Variants in EPHB1 observed in about 807,000 individuals in gnomAD.
EPHB1 encodes ephrin type-B receptor 1.
EPHB1 carries 30 observed loss-of-function variants against 94.4 expected under a neutral mutation model. That is an observed-to-expected ratio of 0.32 (90% CI 0.24 to 0.43). The LOEUF is 0.43. EPHB1 is among the 20% of genes least tolerant of loss of function. The probability of loss-of-function intolerance (pLI) is 1.00; values close to 1 mark genes in which losing one functional copy is unlikely to be tolerated. For missense variants in EPHB1, 1,055 were observed against 1,308.3 expected, an observed-to-expected ratio of 0.81 and a Z score of 2.99; for synonymous variants, 522 against 489.1, an observed-to-expected ratio of 1.07 and a Z score of -0.89.
chr3:135,025,181 TC>T (rs1452187884), intron 3 of EPHB1, among the ~76,000 whole-genome samples: 2 of 134,130 alleles, frequency 1.5e-5, no homozygotes, highest in Non-Finnish European at 3.3e-5. Context: ...TTTTTTTTTT[TC>T]AAGAAGGTTA....
In EPHB1 at chr3:135,180,468, AACCTATC is replaced by A. The variant is rs139940482; in HGVS notation, c.1882+491_1882+497del. On this transcript the variant is annotated intron_variant, in intron 10 of 15. Coordinates refer to ENST00000398015, the MANE Select transcript of EPHB1 (RefSeq NM_004441.5). ...AGACCACTGTTTCCAGAAGAAAGTC[AACCTATC>A]ACCTTCTTTTTTTTGTTTGTTTTCT... 8.8e-3 allele frequency among the ~76,000 whole-genome samples: 1,339 copies of A among 152,334 alleles called. 20 individuals are homozygous for A. The highest frequency in any genetic ancestry group is 0.03 in the African/African-American group (1,252 of 41,574).
chr3:134,985,624 A>C (rs994623636), intron 3 of EPHB1, among the ~76,000 whole-genome samples: 17 of 152,314 alleles, frequency 1.1e-4, no homozygotes, highest in Admixed American at 9.1e-4. Flanking sequence ...TCTCTCTAAA[A>C]TGAGATCATA....
chr3:135,096,160 T>C (rs1450894260), intron 3 of EPHB1, among the ~76,000 whole-genome samples: 1 of 152,232 alleles, frequency 6.6e-6, no homozygotes, highest in Non-Finnish European at 1.5e-5. Flanking sequence ...ATCTTGAGGA[T>C]ATTTATTGAG....
At chr3:135,084,690 G>A (rs11917355) in intron 3 of EPHB1, among the ~76,000 whole-genome samples, 150,906 of 152,304 alleles carry the variant, frequency 0.99, 74,774 homozygotes, top group Middle Eastern at 1. Flanking sequence ...GGGCCTCTCC[G>A]TGGTTATACC....
At chr3:135,245,513 CAAAAAAA>C (rs57521935) in intron 13 of EPHB1, among the ~76,000 whole-genome samples, 75,706 of 124,082 alleles carry the variant, frequency 0.61, 22,199 homozygotes, top group East Asian at 0.69. Context: ...GAACAGTCTT[CAAAAAAA>C]AAAAAAAAAA....
rs957025139 is a variant in EPHB1, at chr3:134,843,018, C to T, written c.58+47329C>T. Among the ~76,000 whole-genome samples, 3 of 152,072 alleles carry T rather than the reference C, an allele frequency of 2.0e-5. No individual in the cohort carries two copies. The East Asian group carries it at 5.8e-4, about 29-fold the overall frequency. ...TTTTCCTGTGTTTTCAAGTTACCTT[C>T]TGGTGTCATTTCTTTTCATCTTGAA... On this transcript the variant is annotated intron_variant, in intron 1 of 15. Coordinates refer to ENST00000398015, the MANE Select transcript of EPHB1 (RefSeq NM_004441.5).
intron 12 of EPHB1, among the ~76,000 whole-genome samples, chr3:135,228,272 C>G (rs1267131153): frequency 1.3e-5 from 2 of 152,072 alleles, no homozygotes; most frequent in African/African-American, 4.8e-5. Flanking sequence ...GTAATAGACT[C>G]TTCCTCATTT....
intron 1 of EPHB1, among the ~76,000 whole-genome samples, chr3:134,834,525 G>A (rs2108294562): frequency 6.6e-6 from 1 of 152,298 alleles, no homozygotes; most frequent in South Asian, 2.1e-4. Flanking sequence ...TGGGTCTTTT[G>A]TGGGACTCAT....
At chr3:135,144,403 G>C (rs1278012676) in intron 5 of EPHB1, among the ~76,000 whole-genome samples, 3 of 152,090 alleles carry the variant, frequency 2.0e-5, no homozygotes, top group Non-Finnish European at 4.4e-5. Flanking sequence ...CAGATTGCTG[G>C]GCCCACACCC....
At chr3:135,040,995 C>G (rs1021582539) in intron 3 of EPHB1, among the ~76,000 whole-genome samples, 1 of 152,122 alleles carries the variant, frequency 6.6e-6, no homozygotes, top group Non-Finnish European at 1.5e-5. Flanking sequence ...TAGGATAAGG[C>G]TCAGCTAGGA....
At chr3:135,035,511 A>G (rs958393999) in intron 3 of EPHB1, among the ~76,000 whole-genome samples, 2 of 152,232 alleles carry the variant, frequency 1.3e-5, no homozygotes, top group African/African-American at 4.8e-5. Flanking sequence ...GGAGTCTTTT[A>G]TACTTAAAGT....
chr3:135,248,228 A>G, intron 13 of EPHB1, 88 bp from the exon 14 acceptor site: 1 of 1,273,476 alleles, frequency 7.9e-7, no homozygotes, highest in Non-Finnish European at 1.1e-6. Flanking sequence ...AGCCTGGATC[A>G]GGGAGGCTCC....
intron 1 of EPHB1, among the ~76,000 whole-genome samples, chr3:134,894,326 G>A (rs1247775981): frequency 6.6e-6 from 1 of 152,152 alleles, no homozygotes; most frequent in Non-Finnish European, 1.5e-5. Context: ...TGAAGCTCAG[G>A]TCACCCCTCT....
At chr3:135,256,215 T>A (rs1933377975) in intron 15 of EPHB1, among the ~76,000 whole-genome samples, 1 of 152,212 alleles carries the variant, frequency 6.6e-6, no homozygotes, top group Admixed American at 6.5e-5. Flanking sequence ...TTAGTCCATT[T>A]ACGTTTAAAG....
chr3:135,183,015 C>CTTTTCTTTTCTT (rs1422467171), intron 10 of EPHB1, among the ~76,000 whole-genome samples: 1 of 64,404 alleles, frequency 1.6e-5, no homozygotes, highest in South Asian at 6.8e-4. Flanking sequence ...CTTTTCTTTT[C>CTTTTCTTTTCTT]TTTTCTTTTC....
At chr3:134,861,760 T>C (rs181405253) in intron 1 of EPHB1, among the ~76,000 whole-genome samples, 7 of 152,214 alleles carry the variant, frequency 4.6e-5, no homozygotes, top group African/African-American at 1.4e-4. Context: ...AAGTAACTAA[T>C]GCATGCAGGG....
At chr3:135,253,060 G>C (rs1277653521) in intron 15 of EPHB1, among the ~76,000 whole-genome samples, 1 of 149,258 alleles carries the variant, frequency 6.7e-6, no homozygotes, top group African/African-American at 2.4e-5. Flanking sequence ...TTTTGATGGG[G>C]TTGTTTTTTT....
At chr3:134,929,296 T>G (rs982638139) in intron 2 of EPHB1, among the ~76,000 whole-genome samples, 1 of 152,084 alleles carries the variant, frequency 6.6e-6, no homozygotes, top group Non-Finnish European at 1.5e-5. Flanking sequence ...AAGTGAGGTT[T>G]GGAGGGTGAG....
chr3:135,239,972 G>C (rs779988171), intron 12 of EPHB1, among the ~76,000 whole-genome samples: 1 of 152,076 alleles, frequency 6.6e-6, no homozygotes, highest in Non-Finnish European at 1.5e-5. Context: ...TGCCCCCGCC[G>C]CACAGGTAGA....
Sources: allele counts gnomAD v4.1 joint callset (sites outside exome capture counted in the v4.1 genomes callset), GRCh38; gene constraint gnomAD v4.1.1; transcripts MANE v1.5; gene names NCBI Gene and HGNC (gene_info 2026-07-23, HGNC 2026-07-21).